Variants in TENM2 observed in about 807,000 individuals in gnomAD.
TENM2 encodes the protein teneurin-2.
A neutral mutation model predicts 245.2 loss-of-function variants in TENM2; 52 were observed. That is an observed-to-expected ratio of 0.21 (90% CI 0.17 to 0.27). The LOEUF (loss-of-function observed/expected upper bound fraction) is 0.27. Among genes scored for constraint, TENM2 ranks in the 10% least tolerant of loss-of-function variants. The probability of loss-of-function intolerance (pLI) is 1.00; values close to 1 mark genes in which losing one functional copy is unlikely to be tolerated. For synonymous variants in TENM2, 1,363 were observed against 1,438.9 expected, an observed-to-expected ratio of 0.95 and a Z score of 1.19; for missense variants, 3,046 against 3,666.8, an observed-to-expected ratio of 0.83 and a Z score of 4.37.
chr5:167,659,069 A>G (rs1017890527), intron 2 of TENM2, among the ~76,000 whole-genome samples: 1 of 152,196 alleles, frequency 6.6e-6, no homozygotes, highest in Admixed American at 6.5e-5. Context: ...TGGTTGCAAA[A>G]TAACACCCAC....
the TENM2 span, among the ~76,000 whole-genome samples, chr5:167,035,591 C>T: frequency 6.6e-6 from 1 of 152,034 alleles, no homozygotes; most frequent in East Asian, 1.9e-4. Context: ...AATCAGTGAC[C>T]ATATATTGAG....
chr5:167,157,003 T>C, the TENM2 span, among the ~76,000 whole-genome samples: 1 of 152,238 alleles, frequency 6.6e-6, no homozygotes, highest in East Asian at 1.9e-4. Flanking sequence ...TTAATTTTTA[T>C]GAACCAAGCA....
chr5:167,599,258 C>T (rs892421580), intron 2 of TENM2, among the ~76,000 whole-genome samples: 15 of 152,128 alleles, frequency 9.9e-5, no homozygotes, highest in African/African-American at 2.9e-4. Context: ...AAATCTTCAA[C>T]GACAGAGAAA....
the TENM2 span, among the ~76,000 whole-genome samples, chr5:167,077,153 G>A: frequency 6.6e-6 from 1 of 152,068 alleles, no homozygotes; most frequent in Non-Finnish European, 1.5e-5. Flanking sequence ...TACACTATAT[G>A]CAAGTCATGC....
At chr5:168,046,232 G>A (rs1471192744) in intron 5 of TENM2, among the ~76,000 whole-genome samples, 2 of 152,176 alleles carry the variant, frequency 1.3e-5, no homozygotes, top group African/African-American at 4.8e-5. Context: ...AATTTCCTAA[G>A]CATTGTTAAT....
At chr5:167,541,324 A>G (rs1162989297) in intron 2 of TENM2, among the ~76,000 whole-genome samples, 1 of 152,218 alleles carries the variant, frequency 6.6e-6, no homozygotes, top group Non-Finnish European at 1.5e-5. Flanking sequence ...AAGTACACAC[A>G]TATTAAATTT....
the TENM2 span, among the ~76,000 whole-genome samples, chr5:167,103,744 T>C: frequency 1.3e-5 from 2 of 152,152 alleles, no homozygotes; most frequent in African/African-American, 2.4e-5. Context: ...TTTTAGAAGA[T>C]ATTTTACACT....
intron 2 of TENM2, among the ~76,000 whole-genome samples, chr5:167,531,829 A>G (rs1389017230): frequency 6.6e-6 from 1 of 152,180 alleles, no homozygotes; most frequent in East Asian, 1.9e-4. Flanking sequence ...CCAATTAGTT[A>G]TCCTGCAATG....
chr5:167,332,847 T>A (rs1347991229), intron 1 of TENM2, among the ~76,000 whole-genome samples: 4 of 152,182 alleles, frequency 2.6e-5, no homozygotes, highest in Non-Finnish European at 5.9e-5. Context: ...AATAATAATA[T>A]TCTATAGAGA....
chr5:167,641,909 G>A (rs1043230303), intron 2 of TENM2, among the ~76,000 whole-genome samples: 6 of 152,074 alleles, frequency 3.9e-5, no homozygotes, highest in East Asian at 1.9e-4. Context: ...TTGGGATGCC[G>A]AGGTGGGCGA....
intron 3 of TENM2, among the ~76,000 whole-genome samples, chr5:167,948,492 A>T (rs17069424): frequency 6.6e-6 from 1 of 152,206 alleles, no homozygotes; most frequent in Non-Finnish European, 1.5e-5. Context: ...CAGGCACCTT[A>T]CTTATACCTC....
At chr5:168,215,333 T>C in intron 21 of TENM2, 61 bp downstream of exon 23, 1 of 1,401,822 alleles carries the variant, frequency 7.1e-7, no homozygotes, top group Non-Finnish European at 1.0e-6. Flanking sequence ...AGCTTGGCTT[T>C]CTTCTCATCA....
At position 167,502,544 on chromosome 5, in the gene TENM2, T is replaced by C. The variant is rs528647855; in HGVS notation, c.502+127071T>C. Reference sequence around the variant, plus strand: ...TAGAAAAGCTTGGTTATTTCAAATCTGTGTTGAGCTCCTTCTAACTTATTT... The same window carrying C: ...TAGAAAAGCTTGGTTATTTCAAATCCGTGTTGAGCTCCTTCTAACTTATTT... On this transcript the variant is annotated intron_variant, in intron 2 of 28. Transcript: ENST00000518659. Among the ~76,000 whole-genome samples, 52 of 152,336 alleles carry C rather than the reference T, an allele frequency of 3.4e-4. 4 individuals are homozygous for C. In the South Asian group the frequency reaches 0.011, roughly 32 times the overall value.
chr5:167,715,172 A>G (rs949305799), intron 2 of TENM2, among the ~76,000 whole-genome samples: 7 of 152,148 alleles, frequency 4.6e-5, no homozygotes, highest in Non-Finnish European at 1.0e-4. Context: ...TAATCAATGG[A>G]CAATGATTGG....
intron 13 of TENM2, among the ~76,000 whole-genome samples, chr5:168,177,243 C>T (rs1759442841): frequency 6.6e-6 from 1 of 152,254 alleles, no homozygotes; most frequent in South Asian, 2.1e-4. Flanking sequence ...AACTGACCCT[C>T]TCTAGGACTG....
chr5:168,254,339 G>A (rs910958403), intron 27 of TENM2, among the ~76,000 whole-genome samples: 11 of 152,136 alleles, frequency 7.2e-5, no homozygotes, highest in South Asian at 4.1e-4. Context: ...AATGCCTTCC[G>A]CAGCATGGAG....
intron 2 of TENM2, among the ~76,000 whole-genome samples, chr5:167,533,566 C>T (rs1771659521): frequency 6.6e-6 from 1 of 152,142 alleles, no homozygotes; most frequent in African/African-American, 2.4e-5. Flanking sequence ...AAGTGATCTT[C>T]ACACCTTAGC....
chr5:167,132,547 G>A, the TENM2 span, among the ~76,000 whole-genome samples: 48 of 152,132 alleles, frequency 3.2e-4, no homozygotes, highest in Admixed American at 2.7e-3. Context: ...GGCATGTTAC[G>A]CAAATAAATC....
At chr5:167,372,088 T>TA (rs780606491) in intron 1 of TENM2, among the ~76,000 whole-genome samples, 7 of 151,572 alleles carry the variant, frequency 4.6e-5, no homozygotes, top group Non-Finnish European at 7.4e-5. Context: ...AAGGTAATTT[T>TA]AAAAAAAAAT....
Sources: gnomAD v4.1 joint callset for allele counts (sites outside exome capture counted in the v4.1 genomes callset) on GRCh38, gnomAD v4.1.1 for gene constraint, MANE v1.5 for transcripts, NCBI Gene and HGNC (gene_info 2026-07-23, HGNC 2026-07-21) for gene names.